PATJ: variants seen among roughly 807,000 people sequenced by gnomAD.
PATJ encodes inaD-like protein.
In PATJ, 190 loss-of-function variants were observed where a neutral mutation model predicts 224.9. The ratio of observed to expected loss-of-function variants is 0.84; its 90% confidence interval spans 0.75 to 0.95. The LOEUF is 0.95. Among genes scored for constraint, PATJ ranks in the 40% least tolerant of loss-of-function variants. The probability of loss-of-function intolerance (pLI) is 0.00; values close to 1 mark genes in which losing one functional copy is unlikely to be tolerated. For synonymous variants in PATJ, 769 were observed against 820.3 expected (o/e 0.94, Z 1.07); for missense variants, 2,121 against 2,270.3 (o/e 0.93, Z 1.34).
chr1:61,842,841 C>T (rs997259692), intron 17 of PATJ, among the ~76,000 whole-genome samples: 1 of 151,972 alleles, frequency 6.6e-6, no homozygotes, highest in Non-Finnish European at 1.5e-5. Context: ...CAGTCTTCTA[C>T]CTGTAGCAAT....
chr1:61,944,062 T>C (rs986045372), intron 27 of PATJ, among the ~76,000 whole-genome samples: 1 of 152,122 alleles, frequency 6.6e-6, no homozygotes, highest in African/African-American at 2.4e-5. Context: ...CAAAACCCCA[T>C]TGGTATGTCA....
chr1:61,839,467 A>G, intron 17 of PATJ, among the ~76,000 whole-genome samples: 1 of 152,146 alleles, frequency 6.6e-6, no homozygotes. Flanking sequence ...GTTGTGGGTT[A>G]ATGTTCAATA....
intron 27 of PATJ, among the ~76,000 whole-genome samples, chr1:61,933,587 T>A (rs1312648495): frequency 6.6e-6 from 1 of 151,168 alleles, no homozygotes; most frequent in Non-Finnish European, 1.5e-5. Context: ...ACTGAGAGCA[T>A]AAAGAGATCA....
At chr1:62,072,746 T>TA (rs554442397) in intron 31 of PATJ, 58,136 of 126,366 alleles carry the variant, frequency 0.46, 14,462 homozygotes, top group Non-Finnish European at 0.58. Context: ...GTCTTTTATT[T>TA]AAAAAAAAAA....
chr1:61,750,530 G>T (rs1489554300), intron 1 of PATJ, among the ~76,000 whole-genome samples: 1 of 148,902 alleles, frequency 6.7e-6, no homozygotes, highest in African/African-American at 2.5e-5. Context: ...CTGCCTCCCG[G>T]GTTCGGGTGA....
At chr1:61,900,313 A>G (rs1166127297) in intron 23 of PATJ, among the ~76,000 whole-genome samples, 1 of 152,098 alleles carries the variant, frequency 6.6e-6, no homozygotes, top group Non-Finnish European at 1.5e-5. Context: ...TACTTTTTTT[A>G]ATGAGTTAAT....
At chr1:61,921,837 G>A (rs1362913135) in intron 26 of PATJ, among the ~76,000 whole-genome samples, 1 of 152,112 alleles carries the variant, frequency 6.6e-6, no homozygotes, top group African/African-American at 2.4e-5. Flanking sequence ...GATTTTTAGG[G>A]ATGATGGTTA....
chr1:61,916,537 C>G (rs1400829145), intron 26 of PATJ, among the ~76,000 whole-genome samples: 1 of 151,996 alleles, frequency 6.6e-6, no homozygotes, highest in East Asian at 1.9e-4. Flanking sequence ...TGTCATTTTT[C>G]TTCCTGATAT....
intron 33 of PATJ, chr1:62,100,481 T>C: frequency 1.4e-6 from 1 of 699,790 alleles, no homozygotes; most frequent in South Asian, 1.6e-5. Context: ...GATAGCAGCA[T>C]TAATCCATCC....
At chr1:62,124,054 A>T (rs958782058) in intron 39 of PATJ, among the ~76,000 whole-genome samples, 25 of 151,962 alleles carry the variant, frequency 1.6e-4, no homozygotes, top group Admixed American at 1.4e-3. Flanking sequence ...CTCCTGTGTG[A>T]TGATATCTAA....
At chr1:62,053,437 TGGCC>T (rs1299168083) in intron 31 of PATJ, among the ~76,000 whole-genome samples, 2 of 152,276 alleles carry the variant, frequency 1.3e-5, no homozygotes, top group East Asian at 3.9e-4. Context: ...TAAGAGTGTC[TGGCC>T]GGGCACAGTG....
intron 29 of PATJ, among the ~76,000 whole-genome samples, chr1:62,037,173 TATTGTGAAACATAAAATC>T (rs1650582021): frequency 6.6e-6 from 1 of 152,184 alleles, no homozygotes; most frequent in African/African-American, 2.4e-5. Context: ...CCTTGGTTTA[TATTGTGAAACATAAAATC>T]AAACTTCACA....
intron 29 of PATJ, among the ~76,000 whole-genome samples, chr1:62,019,359 T>C (rs1181783558): frequency 2.0e-5 from 3 of 151,024 alleles, no homozygotes; most frequent in Non-Finnish European, 4.4e-5. Flanking sequence ...AAACCCTGTC[T>C]CTACTAAAAA....
intron 7 of PATJ, among the ~76,000 whole-genome samples, chr1:61,779,031 T>A (rs1647095155): frequency 1.0e-5 from 1 of 97,290 alleles, no homozygotes; most frequent in South Asian, 4.6e-4. Context: ...ATAGCTCTTT[T>A]AAAAATATAA....
At chr1:61,832,147 G>A (rs1659445975) in intron 16 of PATJ, among the ~76,000 whole-genome samples, 1 of 151,896 alleles carries the variant, frequency 6.6e-6, no homozygotes, top group Admixed American at 6.6e-5. Context: ...ACACAAAGAA[G>A]AGAACAATAT....
chr1:61,909,437 A>T (rs927026755), intron 25 of PATJ, among the ~76,000 whole-genome samples: 1 of 152,210 alleles, frequency 6.6e-6, no homozygotes. Context: ...TCTTCATTTT[A>T]TAATGGAAGA....
At chr1:61,978,245 C>CTCCT (rs1214880003) in intron 27 of PATJ, among the ~76,000 whole-genome samples, 5 of 132,042 alleles carry the variant, frequency 3.8e-5, no homozygotes, top group African/African-American at 1.1e-4. Context: ...CCCTCCCTCC[C>CTCCT]TCCTTCCTTC....
At chr1:62,063,940 C>G (rs1655970461) in intron 31 of PATJ, among the ~76,000 whole-genome samples, 1 of 152,184 alleles carries the variant, frequency 6.6e-6, no homozygotes, top group African/African-American at 2.4e-5. Flanking sequence ...ATCATATCAT[C>G]AGTGAAGGCA....
intron 1 of PATJ, among the ~76,000 whole-genome samples, chr1:61,751,485 T>C (rs1254202649): frequency 6.6e-6 from 1 of 152,140 alleles, no homozygotes; most frequent in Non-Finnish European, 1.5e-5. Context: ...CAGATTTTTT[T>C]TGTCATTGTT....
Sources: gnomAD v4.1 joint callset for allele counts (sites outside exome capture counted in the v4.1 genomes callset) on GRCh38, gnomAD v4.1.1 for gene constraint, MANE v1.5 for transcripts, NCBI Gene and HGNC (gene_info 2026-07-23, HGNC 2026-07-21) for gene names.